Variants in RAD51B observed in about 807,000 individuals in gnomAD.
The protein encoded by RAD51B is DNA repair protein RAD51 homolog 2.
A neutral mutation model predicts 42.2 loss-of-function variants in RAD51B; 38 were observed. The observed-to-expected ratio is 0.90, with a 90% CI of 0.70 to 1.18. The LOEUF (loss-of-function observed/expected upper bound fraction) is 1.18. Among genes scored for constraint, RAD51B ranks in the 50% most tolerant of loss-of-function variants. The pLI, the probability that RAD51B is intolerant of heterozygous loss-of-function variation, is 0.00. For missense variants in RAD51B, 373 were observed against 400.7 expected, an observed-to-expected ratio of 0.93 and a Z score of 0.59; for synonymous variants, 154 against 145.2, an observed-to-expected ratio of 1.06 and a Z score of -0.43.
At chr14:68,388,606 T>G (rs2083662386) in intron 8 of RAD51B, among the ~76,000 whole-genome samples, 1 of 152,216 alleles carries the variant, frequency 6.6e-6, no homozygotes, top group Non-Finnish European at 1.5e-5. Flanking sequence ...CACACACACT[T>G]CTTTTTGAAA....
intron 7 of RAD51B, among the ~76,000 whole-genome samples, chr14:68,231,312 C>A (rs1048654110): frequency 3.3e-5 from 5 of 152,158 alleles, no homozygotes; most frequent in African/African-American, 1.2e-4. Flanking sequence ...AACCACTCCA[C>A]TTTCCTTCCT....
chr14:67,893,500 ACACACACAC>A (rs1447836481), intron 7 of RAD51B, among the ~76,000 whole-genome samples: 2,596 of 103,528 alleles, frequency 0.025, 207 homozygotes, highest in African/African-American at 0.1. Context: ...ACACACACAC[ACACACACAC>A]AAAAAAAAAC....
chr14:68,041,198 C>T (rs1036432178), intron 7 of RAD51B, among the ~76,000 whole-genome samples: 5 of 152,210 alleles, frequency 3.3e-5, no homozygotes, highest in Admixed American at 6.5e-5. Flanking sequence ...CAGGCATCCC[C>T]TTCGCCTCCT....
intron 8 of RAD51B, among the ~76,000 whole-genome samples, chr14:68,324,973 A>G (rs2139777781): frequency 6.6e-6 from 1 of 152,346 alleles, no homozygotes; most frequent in Middle Eastern, 3.4e-3. Context: ...TCCCACAGCA[A>G]CTAACACAGT....
At chr14:67,852,057 C>T (rs115949038) in intron 4 of RAD51B, among the ~76,000 whole-genome samples, 6,060 of 152,122 alleles carry the variant, frequency 0.04, 322 homozygotes, top group African/African-American at 0.12. Flanking sequence ...ACTCCCTCCC[C>T]AGCCTGAGAG....
intron 8 of RAD51B, among the ~76,000 whole-genome samples, chr14:68,370,686 A>C (rs1245141910): frequency 6.6e-6 from 1 of 152,174 alleles, no homozygotes; most frequent in Non-Finnish European, 1.5e-5. Context: ...GGTCAGATTC[A>C]AGATAAATAT....
intron 7 of RAD51B, among the ~76,000 whole-genome samples, chr14:68,008,680 G>A (rs2075632479): frequency 6.6e-6 from 1 of 152,008 alleles, no homozygotes; most frequent in African/African-American, 2.4e-5. Context: ...TGGTTTATGA[G>A]TTTAAAGTGT....
At chr14:68,145,368 G>A (rs1459499823) in intron 7 of RAD51B, among the ~76,000 whole-genome samples, 2 of 152,274 alleles carry the variant, frequency 1.3e-5, no homozygotes, top group Admixed American at 6.5e-5. Context: ...TGCCACCTAC[G>A]GGCGGGGTAC....
At chr14:68,375,277 G>T (rs979697893) in intron 8 of RAD51B, among the ~76,000 whole-genome samples, 4 of 152,056 alleles carry the variant, frequency 2.6e-5, no homozygotes, top group African/African-American at 9.7e-5. Context: ...AGTGGCTGGG[G>T]TGGGTGAGGT....
At chr14:68,489,902 A>G (rs1047378059) in intron 10 of RAD51B, among the ~76,000 whole-genome samples, 1 of 152,196 alleles carries the variant, frequency 6.6e-6, no homozygotes, top group Non-Finnish European at 1.5e-5. Context: ...TAGATTTCCT[A>G]ATTATTACAT....
intron 7 of RAD51B, among the ~76,000 whole-genome samples, chr14:68,049,432 C>T (rs922661027): frequency 5.3e-5 from 8 of 152,024 alleles, no homozygotes; most frequent in Admixed American, 1.3e-4. Flanking sequence ...GTTAGCTGTT[C>T]GAGACCCTGG....
chr14:68,451,850 A>G (rs1235421212), intron 9 of RAD51B, among the ~76,000 whole-genome samples: 2 of 152,166 alleles, frequency 1.3e-5, no homozygotes, highest in Non-Finnish European at 2.9e-5. Context: ...ACATAGAAAC[A>G]TGTTGCCTTC....
intron 7 of RAD51B, among the ~76,000 whole-genome samples, chr14:68,058,027 C>T (rs1337899588): frequency 1.3e-5 from 2 of 151,772 alleles, no homozygotes; most frequent in African/African-American, 4.8e-5. Context: ...TCCTCTGTCT[C>T]CTCTAATTTT....
intron 7 of RAD51B, among the ~76,000 whole-genome samples, chr14:68,287,192 G>C (rs1477102516): frequency 6.6e-6 from 1 of 152,042 alleles, no homozygotes; most frequent in African/African-American, 2.4e-5. Context: ...TCTATACCCC[G>C]TATTTCTTTT....
intron 7 of RAD51B, among the ~76,000 whole-genome samples, chr14:68,103,069 A>G (rs143441764): frequency 1.3e-5 from 2 of 152,290 alleles, no homozygotes; most frequent in African/African-American, 4.8e-5. Flanking sequence ...AACCACCCCC[A>G]TGATGCAGTT....
chr14:68,544,994 G>C (rs1888147086), intron 10 of RAD51B, among the ~76,000 whole-genome samples: 1 of 152,190 alleles, frequency 6.6e-6, no homozygotes, highest in Non-Finnish European at 1.5e-5. Flanking sequence ...AGCAGCAAAG[G>C]AGTTAGGTTT....
At chr14:68,597,823 C>T (rs542109501), downstream of RAD51B, among the ~76,000 whole-genome samples, 170 of 146,354 alleles carry the variant, frequency 1.2e-3, 5 homozygotes, top group South Asian at 0.033. Flanking sequence ...AAAAAGGACA[C>T]AGATGTAAAT....
At position 68,167,552 on chromosome 14, in the gene RAD51B, T is replaced by G. The variant is rs530507190; in HGVS notation, c.757-124332T>G. 3.1e-4 allele frequency among the ~76,000 whole-genome samples: 47 copies of G among 152,256 alleles called. No individual in the cohort carries two copies. The East Asian group carries it at 8.7e-3, about 28-fold the overall frequency. On this transcript the variant is annotated intron_variant, in intron 7 of 10. Transcript: ENST00000471583. The stretch of plus-strand genomic sequence containing the variant: ...GGTAGCACTTGGTAGATTGATTAGA[T>G]AGTGGGTGGAGTAAAATTCTATGAC...
intron 7 of RAD51B, among the ~76,000 whole-genome samples, chr14:68,105,633 A>C (rs1342492538): frequency 1.3e-5 from 2 of 152,088 alleles, no homozygotes; most frequent in East Asian, 3.9e-4. Flanking sequence ...AAGACTTTCA[A>C]ATTATTGTAA....
Sources: gnomAD v4.1 joint callset for allele counts (sites outside exome capture counted in the v4.1 genomes callset) on GRCh38, gnomAD v4.1.1 for gene constraint, MANE v1.5 for transcripts, NCBI Gene and HGNC (gene_info 2026-07-23, HGNC 2026-07-21) for gene names.